The following STK39 variants were observed in gnomAD, a reference collection of about 807,000 sequenced individuals.
STK39 encodes serine/threonine kinase 39, also known as STE20/SPS1-related proline-alanine-rich protein kinase.
STK39 carries 20 observed loss-of-function variants against 77.8 expected under a neutral mutation model. The ratio of observed to expected loss-of-function variants is 0.26; its 90% CI spans 0.18 to 0.37. The LOEUF (loss-of-function observed/expected upper bound fraction) is 0.37. Ranked by LOEUF, STK39 falls within the 10% of genes least tolerant of loss-of-function variation. The pLI is 1.00. For missense variants in STK39, 479 were observed against 656.5 expected (o/e 0.73, Z 2.95); for synonymous variants, 246 against 234.1 (o/e 1.05, Z -0.47).
In STK39 at chr2:168,079,058, C is replaced by T. The variant is rs529170904; in HGVS notation, c.1090-3827G>A. Among the ~76,000 whole-genome samples, 37 of 152,336 alleles carry T rather than the reference C, an allele frequency of 2.4e-4. No individual in the cohort carries two copies. In the South Asian group the frequency reaches 7.7e-3, roughly 32 times the overall value. On this transcript the variant is annotated intron_variant, in intron 10 of 17. Coordinates refer to ENST00000355999, the MANE Select transcript of STK39 (RefSeq NM_013233.3). ...TATAAAAAATATTTCTAATTAATTG[C>T]TGTTTATCATGTACTTGAGGCACTG...
rs575448081 is a variant in STK39 at position 168,233,246 on chromosome 2, T to A, written c.208+13982A>T. On this transcript the variant is annotated intron_variant, in intron 1 of 17. Coordinates refer to ENST00000355999, the MANE Select transcript of STK39 (RefSeq NM_013233.3). ...TTAAAAATGTTTCCACAACAACTTGTGTTTAAGGTCAGGCACTGGGTTTCA... is the reference window on the plus strand; with the variant it reads ...TTAAAAATGTTTCCACAACAACTTGAGTTTAAGGTCAGGCACTGGGTTTCA... Among the ~76,000 whole-genome samples, 28 of 152,338 alleles carry A rather than the reference T, an allele frequency of 1.8e-4. 1 individual carries two copies. In the South Asian group the frequency reaches 5.4e-3, roughly 29 times the overall value.
chr2:168,193,570 C>T (rs1446117287), intron 1 of STK39, among the ~76,000 whole-genome samples: 1 of 152,246 alleles, frequency 6.6e-6, no homozygotes, highest in African/African-American at 2.4e-5. Flanking sequence ...CTGCCTCCAG[C>T]AGCCCCAGCC....
chr2:168,143,903 G>A (rs929050971), intron 5 of STK39, among the ~76,000 whole-genome samples: 4 of 152,160 alleles, frequency 2.6e-5, no homozygotes, highest in Non-Finnish European at 4.4e-5. Context: ...TGCACATGAT[G>A]CTTTGTCGTC....
At chr2:168,117,137 G>A (rs1020322623) in intron 10 of STK39, among the ~76,000 whole-genome samples, 4 of 152,190 alleles carry the variant, frequency 2.6e-5, no homozygotes, top group African/African-American at 7.2e-5. Context: ...TGGCAAAGGT[G>A]AATCAAGTTA....
chr2:168,060,855 C>G (rs1685646328), intron 14 of STK39, among the ~76,000 whole-genome samples: 1 of 151,354 alleles, frequency 6.6e-6, no homozygotes, highest in Non-Finnish European at 1.5e-5. Flanking sequence ...GTCACTCCGA[C>G]AGTGAATGGT....
At chr2:168,153,280 CT>C (rs1277369344) in intron 5 of STK39, among the ~76,000 whole-genome samples, 1 of 152,208 alleles carries the variant, frequency 6.6e-6, no homozygotes, top group African/African-American at 2.4e-5. Context: ...AGTACTGGGA[CT>C]GTAGACCAGA....
At chr2:168,232,595 T>C (rs1361375970) in intron 1 of STK39, among the ~76,000 whole-genome samples, 3 of 152,140 alleles carry the variant, frequency 2.0e-5, no homozygotes, top group Non-Finnish European at 4.4e-5. Context: ...GCCTATATTA[T>C]CTATTTCCAA....
chr2:168,139,445 A>C (rs1574496033), intron 7 of STK39, among the ~76,000 whole-genome samples: 2 of 146,982 alleles, frequency 1.4e-5, no homozygotes, highest in African/African-American at 5.3e-5. Flanking sequence ...AATGAATTAC[A>C]CTGAAACCTT....
chr2:168,004,088 T>G (rs1370091765), intron 16 of STK39, among the ~76,000 whole-genome samples: 1 of 152,230 alleles, frequency 6.6e-6, no homozygotes, highest in Non-Finnish European at 1.5e-5. Context: ...GAGATTTTGT[T>G]GCTCCCATAC....
intron 10 of STK39, among the ~76,000 whole-genome samples, chr2:168,079,264 C>T (rs1201313976): frequency 6.6e-6 from 1 of 152,140 alleles, no homozygotes; most frequent in Non-Finnish European, 1.5e-5. Context: ...TCCTCTCCAG[C>T]CTAGGTCCTC....
At chr2:168,068,902 A>C (rs1019782786) in intron 12 of STK39, among the ~76,000 whole-genome samples, 17 of 152,180 alleles carry the variant, frequency 1.1e-4, no homozygotes, top group African/African-American at 4.1e-4. Flanking sequence ...GGCATTTGGA[A>C]AACATGTTTT....
At chr2:168,074,634 G>A (rs769141354) in intron 12 of STK39, among the ~76,000 whole-genome samples, 6 of 152,170 alleles carry the variant, frequency 3.9e-5, no homozygotes, top group Non-Finnish European at 8.8e-5. Context: ...GTTTTCTAAA[G>A]GCAGTAATCC....
At position 168,170,582 on chromosome 2, in the gene STK39, C is replaced by A. The variant is rs79538774; in HGVS notation, c.322-3175G>T. ...GCGGCCTGAGAATCTGCATTTCTAG[C>A]AGGCTTCCATGTGATGCTGATGCTG... On this transcript the variant is annotated intron_variant, in intron 2 of 17. Transcript: ENST00000355999. Among the ~76,000 whole-genome samples the A allele has an allele frequency of 3.6e-3, 544 of 152,328 alleles. 21 individuals are homozygous for A. The East Asian group carries it at 0.091, about 25-fold the overall frequency.
At chr2:168,214,055 G>C (rs1184152741) in intron 1 of STK39, among the ~76,000 whole-genome samples, 1 of 152,136 alleles carries the variant, frequency 6.6e-6, no homozygotes, top group Non-Finnish European at 1.5e-5. Context: ...TGAGAGGCCG[G>C]TGGACAACAG....
chr2:168,140,664 A>G lies in STK39; in HGVS notation c.723T>C (p.Pro241=). 6.2e-7 allele frequency: 1 copy of G among 1,610,538 alleles called. No individual in the cohort carries two copies. The highest frequency in any genetic ancestry group is 8.5e-7 in the Non-Finnish European group (1 of 1,177,784). ...TFVGTPCWMA[P]EVMEQVRGYD... Reference sequence around the variant, plus strand: ...GTTTTTTTACCTGTTCCATGACTTCAGGAGCCATCCAACATGGGGTGCCAA... The same window carrying G: ...GTTTTTTTACCTGTTCCATGACTTCGGGAGCCATCCAACATGGGGTGCCAA... Residue 241 remains proline (P), a synonymous_variant, in exon 6 of 18, where the codon CCT becomes CCC. Coordinates refer to ENST00000355999, the MANE Select transcript of STK39 (RefSeq NM_013233.3).
chr2:168,243,871 A>G (rs1310728088), intron 1 of STK39, among the ~76,000 whole-genome samples: 1 of 152,174 alleles, frequency 6.6e-6, no homozygotes, highest in African/African-American at 2.4e-5. Context: ...TGCCCCTTAT[A>G]CTTCTAAAGG....
rs201033331 is a variant in STK39 at position 168,163,736 on chromosome 2, T to C, written c.572+3A>G. The C allele has an allele frequency of 6.2e-7, 1 of 1,613,708 alleles. No homozygotes were observed. Among genetic ancestry groups the C allele is most frequent in the Non-Finnish European group, 8.5e-7 (1 of 1,179,838 alleles). ...AATTTAAACATCTCTGCAGAGGTCATACCTGTGAATCTGACCGTTTCTGTG... is the reference window on the plus strand; with the variant it reads ...AATTTAAACATCTCTGCAGAGGTCACACCTGTGAATCTGACCGTTTCTGTG... On this transcript the variant is annotated splice_donor_region_variant and intron_variant, in intron 4 of 17. Coordinates refer to ENST00000355999, the MANE Select transcript of STK39 (RefSeq NM_013233.3).
At chr2:167,955,618 G>C in intron 17 of STK39, 48 bp from the exon 18 acceptor site, 1 of 1,575,568 alleles carries the variant, frequency 6.3e-7, no homozygotes, top group Non-Finnish European at 8.7e-7. Flanking sequence ...TGCTGCTGCT[G>C]GTTGTTAAAG....
At chr2:168,236,721 CTTGT>C (rs1690620709) in intron 1 of STK39, among the ~76,000 whole-genome samples, 1 of 152,178 alleles carries the variant, frequency 6.6e-6, no homozygotes. Context: ...TTCCCCATTG[CTTGT>C]TTTTGTCAGG....
Sources: allele counts gnomAD v4.1 joint callset (sites outside exome capture counted in the v4.1 genomes callset), GRCh38; gene constraint gnomAD v4.1.1; transcripts MANE v1.5; gene names NCBI Gene and HGNC (gene_info 2026-07-23, HGNC 2026-07-21).